ADARB2: variants seen among roughly 807,000 people sequenced by gnomAD.
ADARB2 encodes the protein inactive double-stranded RNA-specific editase B2.
A neutral mutation model predicts 62.2 loss-of-function variants in ADARB2; 25 were observed. The ratio of observed to expected loss-of-function variants is 0.40; its 90% CI spans 0.29 to 0.56. The LOEUF is 0.56. ADARB2 is among the 20% of genes least tolerant of loss of function. ADARB2 has a pLI of 0.43. For synonymous variants in ADARB2, 572 were observed against 500.8 expected, an observed-to-expected ratio of 1.14 and a Z score of -1.90; for missense variants, 1,071 against 1,077.4, an observed-to-expected ratio of 0.99 and a Z score of 0.08.
intron 1 of ADARB2, among the ~76,000 whole-genome samples, chr10:1,560,019 A>G (rs1832766411): frequency 6.6e-6 from 1 of 152,186 alleles, no homozygotes; most frequent in African/African-American, 2.4e-5. Context: ...CAGTGTAAAC[A>G]ACCTATTTTC....
chr10:1,578,429 C>T (rs952543658), intron 1 of ADARB2, among the ~76,000 whole-genome samples: 3 of 152,168 alleles, frequency 2.0e-5, no homozygotes, highest in African/African-American at 7.2e-5. Context: ...TTGAAACCTG[C>T]GTGAGGCTTT....
intron 1 of ADARB2, among the ~76,000 whole-genome samples, chr10:1,562,255 G>A (rs1588303692): frequency 6.6e-6 from 1 of 151,786 alleles, no homozygotes; most frequent in South Asian, 2.1e-4. Context: ...GAGCGTGTTC[G>A]GCTCATGCTG....
chr10:1,598,780 G>A (rs1428216728), intron 1 of ADARB2, among the ~76,000 whole-genome samples: 1 of 152,232 alleles, frequency 6.6e-6, no homozygotes, highest in Non-Finnish European at 1.5e-5. Flanking sequence ...GGAGAGCCCT[G>A]GCCCTCTGGT....
chr10:1,567,471 C>T (rs1832873658), intron 1 of ADARB2, among the ~76,000 whole-genome samples: 1 of 152,148 alleles, frequency 6.6e-6, no homozygotes, highest in African/African-American at 2.4e-5. Flanking sequence ...TCTCCCAGGC[C>T]AGGGGACCCT....
At chr10:1,444,281 A>ACATCCATCCATC (rs200737452) in intron 1 of ADARB2, among the ~76,000 whole-genome samples, 8,669 of 117,462 alleles carry the variant, frequency 0.074, 364 homozygotes, top group Non-Finnish European at 0.096. Context: ...CCATCTATCT[A>ACATCCATCCATC]CATCCATCCA....
chr10:1,353,707 T>G (rs1281907667), intron 3 of ADARB2, among the ~76,000 whole-genome samples: 1 of 152,192 alleles, frequency 6.6e-6, no homozygotes, highest in Admixed American at 6.5e-5. Context: ...ACCTTTCACC[T>G]TCTCGATGTT....
chr10:1,467,792 C>A (rs1337479114), intron 1 of ADARB2, among the ~76,000 whole-genome samples: 2 of 152,192 alleles, frequency 1.3e-5, no homozygotes, highest in Non-Finnish European at 2.9e-5. Context: ...TTCCGTTATT[C>A]CATCCTGTGC....
At chr10:1,706,778 A>T (rs1451203607) in intron 1 of ADARB2, among the ~76,000 whole-genome samples, 1 of 152,220 alleles carries the variant, frequency 6.6e-6, no homozygotes, top group East Asian at 1.9e-4. Context: ...TGACGTGCTA[A>T]TCAGAAAGAC....
chr10:1,528,046 C>T (rs1027000136), intron 1 of ADARB2, among the ~76,000 whole-genome samples: 2 of 152,156 alleles, frequency 1.3e-5, no homozygotes, highest in African/African-American at 2.4e-5. Context: ...TCAATAACAG[C>T]CCCCACACTT....
At chr10:1,582,150 G>T (rs1018677870) in intron 1 of ADARB2, among the ~76,000 whole-genome samples, 1 of 152,218 alleles carries the variant, frequency 6.6e-6, no homozygotes, top group African/African-American at 2.4e-5. Flanking sequence ...CATGATGGAT[G>T]AGAGGCAGAA....
intron 3 of ADARB2, among the ~76,000 whole-genome samples, chr10:1,310,262 TGA>T (rs1352369215): frequency 6.6e-6 from 1 of 152,206 alleles, no homozygotes; most frequent in African/African-American, 2.4e-5. Flanking sequence ...TGCCTGGCAC[TGA>T]GAGACACTCC....
intron 1 of ADARB2, among the ~76,000 whole-genome samples, chr10:1,551,826 A>G (rs1289485277): frequency 6.6e-6 from 1 of 152,190 alleles, no homozygotes; most frequent in East Asian, 1.9e-4. Context: ...ACAATGTACC[A>G]AATAGACAGG....
At chr10:1,696,187 CATAT>C (rs3062722) in intron 1 of ADARB2, among the ~76,000 whole-genome samples, 79 of 148,978 alleles carry the variant, frequency 5.3e-4, no homozygotes, top group East Asian at 3.3e-3. Context: ...TGCACACATG[CATAT>C]ATGTGTCACG....
intron 1 of ADARB2, among the ~76,000 whole-genome samples, chr10:1,399,560 C>T (rs989390448): frequency 1.3e-5 from 2 of 152,158 alleles, no homozygotes; most frequent in African/African-American, 4.8e-5. Flanking sequence ...TGCCTCTCAG[C>T]TTCCCGGGAA....
At chr10:1,657,834 A>G (rs1834191373) in intron 1 of ADARB2, among the ~76,000 whole-genome samples, 1 of 151,330 alleles carries the variant, frequency 6.6e-6, no homozygotes, top group Non-Finnish European at 1.5e-5. Context: ...CTCCCTCTCT[A>G]TCTCTGTCTC....
At chr10:1,329,929 CTTTTTTTTTTTTTTTTT>C (rs370355543) in intron 3 of ADARB2, among the ~76,000 whole-genome samples, 6 of 100,218 alleles carry the variant, frequency 6.0e-5, no homozygotes, top group Non-Finnish European at 1.2e-4. Context: ...GAAGAAGTGC[CTTTTTTTTTTTTTTTTT>C]TTTTTTTTCT....
chr10:1,231,890 G>A (rs976115655), intron 6 of ADARB2, among the ~76,000 whole-genome samples: 2 of 152,294 alleles, frequency 1.3e-5, no homozygotes, highest in Admixed American at 6.5e-5. Context: ...GGCTAAGCTC[G>A]TGTGAGATTA....
At chr10:1,581,478 A>T (rs1833097987) in intron 1 of ADARB2, among the ~76,000 whole-genome samples, 1 of 152,246 alleles carries the variant, frequency 6.6e-6, no homozygotes, top group Non-Finnish European at 1.5e-5. Flanking sequence ...CCACCTCCTG[A>T]GTTCCCAGCC....
chr10:1,532,911 C>A (rs888707172), intron 1 of ADARB2, among the ~76,000 whole-genome samples: 3 of 152,148 alleles, frequency 2.0e-5, no homozygotes, highest in Non-Finnish European at 4.4e-5. Flanking sequence ...GCCCCAGGAG[C>A]CTCGCCTCAC....
Sources: allele counts gnomAD v4.1 joint callset (sites outside exome capture counted in the v4.1 genomes callset), GRCh38; gene constraint gnomAD v4.1.1; transcripts MANE v1.5; gene names NCBI Gene and HGNC (gene_info 2026-07-23, HGNC 2026-07-21).